Variants in RIN3 observed in about 807,000 individuals in gnomAD.
RIN3 encodes Ras and Rab interactor 3.
Under a neutral mutation model 76.3 loss-of-function variants are expected in RIN3, and 54 were observed. That is an observed-to-expected ratio of 0.71 (90% CI 0.57 to 0.89). The LOEUF (loss-of-function observed/expected upper bound fraction) is 0.89. Among genes scored for constraint, RIN3 ranks in the 40% least tolerant of loss-of-function variants. RIN3 has a pLI of 0.00. For missense variants in RIN3, 1,256 were observed against 1,322.1 expected, an observed-to-expected ratio of 0.95 and a Z score of 0.78; for synonymous variants, 576 against 564.0, an observed-to-expected ratio of 1.02 and a Z score of -0.30.
At chr14:92,517,530 C>T (rs540767397) in intron 1 of RIN3, among the ~76,000 whole-genome samples, 86 of 152,248 alleles carry the variant, frequency 5.6e-4, no homozygotes, top group Non-Finnish European at 8.7e-4. Flanking sequence ...CTATCTGATC[C>T]TATTAGGGAG....
At chr14:92,591,964 A>G (rs912232866) in intron 3 of RIN3, among the ~76,000 whole-genome samples, 2 of 152,258 alleles carry the variant, frequency 1.3e-5, no homozygotes, top group Admixed American at 6.5e-5. Flanking sequence ...TTGACCTAAC[A>G]GATAACAGTT....
intron 7 of RIN3, among the ~76,000 whole-genome samples, chr14:92,664,695 C>T (rs1888021342): frequency 6.6e-6 from 1 of 152,110 alleles, no homozygotes; most frequent in Non-Finnish European, 1.5e-5. Context: ...TCTCTCTCTG[C>T]ATACATAATG....
At chr14:92,638,177 A>AGTCCATGGTGTGGCCTCGAAGG (rs1212159606) in intron 4 of RIN3, among the ~76,000 whole-genome samples, 11 of 152,188 alleles carry the variant, frequency 7.2e-5, no homozygotes, top group Non-Finnish European at 1.6e-4. Context: ...GAGGAAGAAG[A>AGTCCATGGTGTGGCCTCGAAGG]GTCCATGGTG....
At chr14:92,584,913 A>G (rs1203274045) in intron 3 of RIN3, among the ~76,000 whole-genome samples, 2 of 152,220 alleles carry the variant, frequency 1.3e-5, no homozygotes, top group Non-Finnish European at 2.9e-5. Flanking sequence ...CCATACAGGA[A>G]GTGAGCTGCC....
At chr14:92,607,209 C>G (rs934549205) in intron 3 of RIN3, among the ~76,000 whole-genome samples, 1 of 152,182 alleles carries the variant, frequency 6.6e-6, no homozygotes, top group Non-Finnish European at 1.5e-5. Context: ...TGAGATATCA[C>G]TCTTCACCTA....
At chr14:92,640,102 C>A (rs1416517161) in intron 4 of RIN3, among the ~76,000 whole-genome samples, 1 of 130,798 alleles carries the variant, frequency 7.6e-6, no homozygotes, top group Admixed American at 8.0e-5. Context: ...GTGTGTTCGT[C>A]GAGGGCTGCC....
chr14:92,548,542 A>G (rs904761816), intron 1 of RIN3, among the ~76,000 whole-genome samples: 4 of 152,152 alleles, frequency 2.6e-5, no homozygotes, highest in African/African-American at 7.2e-5. Context: ...GGCAGGTTCC[A>G]TCTGGAGGCT....
rs1884810038 is a variant in RIN3 at position 92,587,276 on chromosome 14, G to A, written c.367+9799G>A. Among the ~76,000 whole-genome samples the A allele has an allele frequency of 2.0e-5, 3 of 152,356 alleles. No individual in the cohort carries two copies. The South Asian group carries it at 6.2e-4, about 32-fold the overall frequency. ...AAGGTGCTTGAGACACCTGTCTCAGGTAATGGCCTTCCTGGCTGCCTAGGA... is the reference window on the plus strand; with the variant it reads ...AAGGTGCTTGAGACACCTGTCTCAGATAATGGCCTTCCTGGCTGCCTAGGA... On this transcript the variant is annotated intron_variant, in intron 3 of 9. Coordinates refer to ENST00000216487, the MANE Select transcript of RIN3 (RefSeq NM_024832.5).
intron 3 of RIN3, among the ~76,000 whole-genome samples, chr14:92,585,152 A>G (rs1023368818): frequency 7.2e-5 from 11 of 152,060 alleles, no homozygotes; most frequent in African/African-American, 2.7e-4. Context: ...AGCTGGGATG[A>G]CAGGTGTGTG....
At chr14:92,602,288 G>T (rs75998557) in intron 3 of RIN3, among the ~76,000 whole-genome samples, 1 of 152,194 alleles carries the variant, frequency 6.6e-6, no homozygotes. Context: ...GCCCAAGAAG[G>T]CCTCACCAAG....
chr14:92,545,110 T>C (rs1164607063), intron 1 of RIN3, among the ~76,000 whole-genome samples: 11 of 138,790 alleles, frequency 7.9e-5, no homozygotes, highest in Non-Finnish European at 1.4e-4. Flanking sequence ...TCTGGTGTTT[T>C]TTTTTTTTTT....
intron 4 of RIN3, among the ~76,000 whole-genome samples, chr14:92,629,152 A>ATT (rs1566875833): frequency 4.8e-4 from 53 of 110,640 alleles, no homozygotes; most frequent in South Asian, 1.5e-3. Context: ...AGAGAGAGAG[A>ATT]GATTGATTGA....
At position 92,543,231 on chromosome 14, in the gene RIN3, A is replaced by G. The variant is rs1001250834; in HGVS notation, c.45-12520A>G. Among the ~76,000 whole-genome samples, 11 of 151,400 alleles carry G rather than the reference A, an allele frequency of 7.3e-5. No homozygotes were observed. The South Asian group carries it at 8.4e-4, about 12-fold the overall frequency. Reference sequence around the variant, plus strand: ...CTCTAGGGCGGTAGATGCACAAGCCATGTTCACATAGTTTAGAGGCTTTAT... The same window carrying G: ...CTCTAGGGCGGTAGATGCACAAGCCGTGTTCACATAGTTTAGAGGCTTTAT... On this transcript the variant is annotated intron_variant, in intron 1 of 9. Transcript: ENST00000216487.
At chr14:92,557,396 C>G (rs561748712) in intron 2 of RIN3, among the ~76,000 whole-genome samples, 2 of 152,350 alleles carry the variant, frequency 1.3e-5, no homozygotes, top group South Asian at 4.1e-4. Context: ...TTTGGCTTAG[C>G]TGGACTTTTG....
intron 2 of RIN3, among the ~76,000 whole-genome samples, chr14:92,562,850 G>A (rs1258155664): frequency 6.6e-6 from 1 of 152,206 alleles, no homozygotes; most frequent in Non-Finnish European, 1.5e-5. Context: ...ACAGGTGTTT[G>A]TTGCTACTGG....
chr14:92,642,196 A>G (rs1258216794), intron 5 of RIN3, among the ~76,000 whole-genome samples: 4 of 151,282 alleles, frequency 2.6e-5, no homozygotes, highest in Non-Finnish European at 2.9e-5. Context: ...CCAACTTCCC[A>G]GGCTCAGGTG....
chr14:92,569,412 G>C (rs1267214879), intron 2 of RIN3, among the ~76,000 whole-genome samples: 5 of 152,120 alleles, frequency 3.3e-5, no homozygotes, highest in Non-Finnish European at 1.5e-5. Context: ...GGTGGTGGCA[G>C]GTGTTGCCAC....
rs1294486344 is a variant in RIN3 at position 92,540,113 on chromosome 14, A to G, written c.45-15638A>G. Reference sequence around the variant, plus strand: ...CTAAGTGACAGAAGGCCTGCAGCGCACACAGATGTGGAAAGTTTGAAGGCC... The same window carrying G: ...CTAAGTGACAGAAGGCCTGCAGCGCGCACAGATGTGGAAAGTTTGAAGGCC... On this transcript the variant is annotated intron_variant, in intron 1 of 9. Transcript: ENST00000216487. 2.6e-5 allele frequency among the ~76,000 whole-genome samples: 4 copies of G among 152,334 alleles called. No individual in the cohort carries two copies. The South Asian group carries it at 8.3e-4, about 32-fold the overall frequency.
intron 3 of RIN3, among the ~76,000 whole-genome samples, chr14:92,584,999 T>C (rs1884716027): frequency 6.6e-6 from 1 of 152,146 alleles, no homozygotes; most frequent in African/African-American, 2.4e-5. Context: ...TTCCCCTGGC[T>C]TGCTTTATTT....
Sources: gnomAD v4.1 joint callset for allele counts (sites outside exome capture counted in the v4.1 genomes callset) on GRCh38, gnomAD v4.1.1 for gene constraint, MANE v1.5 for transcripts, NCBI Gene and HGNC (gene_info 2026-07-23, HGNC 2026-07-21) for gene names.